The following RABEP1 variants were observed in gnomAD, a reference collection of about 807,000 sequenced individuals.
The protein encoded by RABEP1 is rabaptin, RAB GTPase binding effector protein 1.
RABEP1 carries 51 observed loss-of-function variants against 123.4 expected under a neutral mutation model. The observed-to-expected ratio is 0.41, with a 90% confidence interval of 0.33 to 0.52. The LOEUF is 0.52. Ranked by LOEUF, RABEP1 falls within the 20% of genes least tolerant of loss-of-function variation. RABEP1 has a pLI of 0.16. For synonymous variants in RABEP1, 347 were observed against 355.2 expected, an observed-to-expected ratio of 0.98 and a Z score of 0.26; for missense variants, 888 against 996.3, an observed-to-expected ratio of 0.89 and a Z score of 1.46.
intron 1 of RABEP1, among the ~76,000 whole-genome samples, chr17:5,299,724 TCTTTTTC>T (rs1433377968): frequency 0.012 from 1,415 of 116,428 alleles, 80 homozygotes; most frequent in African/African-American, 0.019. Flanking sequence ...CTTTTCTTTT[TCTTTTTC>T]TTTTTTTTTT....
chr17:5,385,900 AGAATAAC>A lies in RABEP1; in HGVS notation c.*2678_*2684del, dbSNP rs1911916576. ...CTGCTACTTTAAAACACAGCTCACAAGAATAACTAACTTGCTCAAATATGGAGAAAAC... is the reference window on the plus strand; with the variant it reads ...CTGCTACTTTAAAACACAGCTCACAATAACTTGCTCAAATATGGAGAAAAC... On this transcript the variant is annotated 3_prime_UTR_variant, in exon 18 of 18. Coordinates refer to ENST00000537505, the MANE Select transcript of RABEP1 (RefSeq NM_004703.6). 2 of 288,664 alleles carry A rather than the reference AGAATAAC, an allele frequency of 6.9e-6. No individual in the cohort carries two copies. Among genetic ancestry groups the A allele is most frequent in the East Asian group, 1.2e-4 (2 of 16,888 alleles). The allele number at this position is 288,664 out of a possible 1,614,324, so 17.9% of individuals were successfully genotyped here.
At chr17:5,366,268 A>AT (rs1424827005) in intron 11 of RABEP1, among the ~76,000 whole-genome samples, 3 of 152,214 alleles carry the variant, frequency 2.0e-5, no homozygotes. Context: ...TTTCTTGGCC[A>AT]TTGGGATTTT....
intron 11 of RABEP1, among the ~76,000 whole-genome samples, chr17:5,365,690 C>T (rs1244267718): frequency 6.6e-6 from 1 of 152,176 alleles, no homozygotes; most frequent in Non-Finnish European, 1.5e-5. Context: ...TTTCCCCGCA[C>T]TTACAACTCC....
chr17:5,341,609 G>A lies in RABEP1; in HGVS notation c.648+3471G>A, dbSNP rs553591957. 3.5e-4 allele frequency among the ~76,000 whole-genome samples: 54 copies of A among 152,278 alleles called. No individual in the cohort carries two copies. In the South Asian group the frequency reaches 0.01, roughly 29 times the overall value. On this transcript the variant is annotated intron_variant, in intron 5 of 17. Transcript: ENST00000537505. ...GAAAGCTCTCCAACTGTTTTTATGA[G>A]ACTAGTAGATCTTCACTACAAGTGA...
intron 2 of RABEP1, among the ~76,000 whole-genome samples, chr17:5,312,580 T>G (rs2075254992): frequency 6.6e-6 from 1 of 152,178 alleles, no homozygotes; most frequent in Non-Finnish European, 1.5e-5. Flanking sequence ...GGAATGGAGT[T>G]CCATTTTTTC....
At chr17:5,367,259 C>A (rs557040804) in intron 11 of RABEP1, among the ~76,000 whole-genome samples, 16 of 151,748 alleles carry the variant, frequency 1.1e-4, no homozygotes, top group African/African-American at 3.9e-4. Context: ...CACACACACA[C>A]ACACACACAC....
At chr17:5,288,736 C>T (rs1054938010) in intron 1 of RABEP1, among the ~76,000 whole-genome samples, 1 of 151,204 alleles carries the variant, frequency 6.6e-6, no homozygotes, top group Admixed American at 6.6e-5. Context: ...CCAAGTCTTG[C>T]TGTGTTGCCC....
chr17:5,374,026 GA>G (rs942705822), intron 13 of RABEP1, among the ~76,000 whole-genome samples: 1 of 152,076 alleles, frequency 6.6e-6, no homozygotes, highest in Non-Finnish European at 1.5e-5. Flanking sequence ...TCTAGTACTT[GA>G]AAAGTTATAA....
chr17:5,353,095 G>T (rs1908705510), intron 7 of RABEP1, among the ~76,000 whole-genome samples: 1 of 152,138 alleles, frequency 6.6e-6, no homozygotes, highest in Non-Finnish European at 1.5e-5. Flanking sequence ...GAGTCTAAGT[G>T]CTTACTCACC....
chr17:5,308,424 C>T (rs2075202141), intron 1 of RABEP1, among the ~76,000 whole-genome samples: 1 of 152,154 alleles, frequency 6.6e-6, no homozygotes, highest in South Asian at 2.1e-4. Context: ...TGGGATTTCT[C>T]CATGTCGGCC....
rs117898932 is a variant in RABEP1 at position 5,288,571 on chromosome 17, T to G, written c.34+6051T>G. 9.1e-3 allele frequency among the ~76,000 whole-genome samples: 1,377 copies of G among 151,904 alleles called. 4 individuals carry two copies. The highest frequency in any genetic ancestry group is 0.013 in the Admixed American group (199 of 15,248). On this transcript the variant is annotated intron_variant, in intron 1 of 17. Coordinates refer to ENST00000537505, the MANE Select transcript of RABEP1 (RefSeq NM_004703.6). ...CTGCCATGCTCGGCTAATTTTATAT[T>G]TTTAGTAGAGATGAGGTTTCGCCAT...
At chr17:5,363,429 A>G (rs1909738574) in intron 10 of RABEP1, among the ~76,000 whole-genome samples, 1 of 152,040 alleles carries the variant, frequency 6.6e-6, no homozygotes, top group African/African-American at 2.4e-5. Flanking sequence ...CATGTTGCCT[A>G]GGATGGTCTC....
chr17:5,384,416 T>C lies in RABEP1; in HGVS notation c.*1193T>C, dbSNP rs1229600470. 2 of 214,370 alleles carry C rather than the reference T, an allele frequency of 9.3e-6. No homozygotes were observed. Among genetic ancestry groups the C allele is most frequent in the Non-Finnish European group, 1.9e-5 (2 of 106,240 alleles). 13.3% of individuals were successfully genotyped at this position (214,370 alleles called of 1,614,324 possible). A position where few individuals can be genotyped will look rare whatever the true frequency, so the allele number is the denominator to read the frequency against. On this transcript the variant is annotated 3_prime_UTR_variant, in exon 18 of 18. Coordinates refer to ENST00000537505, the MANE Select transcript of RABEP1 (RefSeq NM_004703.6). ...GTCCCAGGAATATCCAGTGGATGGA[T>C]TCATCATCCAGGAGGTTCAAAAGTA...
chr17:5,296,962 C>G (rs1272550626), intron 1 of RABEP1, among the ~76,000 whole-genome samples: 5 of 151,914 alleles, frequency 3.3e-5, no homozygotes, highest in Non-Finnish European at 7.4e-5. Flanking sequence ...TGGTCTCGAA[C>G]TCTTGGCTCA....
At position 5,385,964 on chromosome 17, in the gene RABEP1, G is replaced by A; in HGVS notation, c.*2741G>A. ...GGGTTCAGGGAGGTTCTGGCAGTGT[G>A]CAGTGTGAAATAATCCTGAGTCCTT... On this transcript the variant is annotated 3_prime_UTR_variant, in exon 18 of 18. Coordinates refer to ENST00000537505, the MANE Select transcript of RABEP1 (RefSeq NM_004703.6). 1 of 459,116 alleles carries A rather than the reference G, an allele frequency of 2.2e-6. No homozygotes were observed. The highest frequency in any genetic ancestry group is 4.5e-5 in the South Asian group (1 of 22,120). The allele number at this position is 459,116 out of a possible 1,614,324, so 28.4% of individuals were successfully genotyped here. A position where few individuals can be genotyped will look rare whatever the true frequency, so the allele number is the denominator to read the frequency against.
At chr17:5,332,867 C>G (rs1050803913) in intron 3 of RABEP1, among the ~76,000 whole-genome samples, 2 of 152,072 alleles carry the variant, frequency 1.3e-5, no homozygotes, top group African/African-American at 4.8e-5. Context: ...GCCTCGGCCT[C>G]CCAAAGTCCT....
In RABEP1 at chr17:5,331,982, C is replaced by T. The variant is rs773360929; in HGVS notation, c.197C>T (p.Ala66Val). The T allele has an allele frequency of 6.2e-7, 1 of 1,613,928 alleles. No homozygotes were observed. Residue 66 changes from alanine to valine, a missense_variant, in exon 3 of 18, where the codon GCT becomes GTT. Physicochemically the swap from Ala to Val is moderately conservative, Grantham distance 64. Coordinates refer to ENST00000537505, the MANE Select transcript of RABEP1 (RefSeq NM_004703.6). ...DLKRQNAVLQ[A>V]AQDDLGHLRT... ...AAGAGGCAAAATGCAGTATTACAAG[C>T]TGCACAAGATGATTTGGGACACCTT...
chr17:5,325,051 G>T (rs1905834096), intron 2 of RABEP1, among the ~76,000 whole-genome samples: 1 of 152,134 alleles, frequency 6.6e-6, no homozygotes, highest in African/African-American at 2.4e-5. Context: ...GGTGGCTCAT[G>T]CCTATAATCC....
At chr17:5,314,954 G>A (rs1296850820) in intron 2 of RABEP1, among the ~76,000 whole-genome samples, 2 of 152,198 alleles carry the variant, frequency 1.3e-5, no homozygotes, top group East Asian at 3.8e-4. Context: ...CAATGAGTAA[G>A]AGACGGTTAC....
Sources: allele counts gnomAD v4.1 joint callset (sites outside exome capture counted in the v4.1 genomes callset), GRCh38; gene constraint gnomAD v4.1.1; transcripts MANE v1.5; gene names NCBI Gene and HGNC (gene_info 2026-07-23, HGNC 2026-07-21).